Variants in HDAC9 observed in about 807,000 individuals in gnomAD.
HDAC9 encodes MEF-2 interacting transcription repressor (MITR) protein.
HDAC9 carries 41 observed loss-of-function variants against 139.4 expected under a neutral mutation model. That is an observed-to-expected ratio of 0.29 (90% CI 0.23 to 0.38). The LOEUF is 0.38. HDAC9 is among the 10% of genes least tolerant of loss of function. HDAC9 has a pLI of 1.00. For synonymous variants in HDAC9, 517 were observed against 476.2 expected (o/e 1.09, Z -1.12); for missense variants, 1,147 against 1,297.0 (o/e 0.88, Z 1.78).
intron 2 of HDAC9, chr7:18,162,465 A>T: frequency 1.1e-6 from 1 of 948,928 alleles, no homozygotes; most frequent in Non-Finnish European, 1.6e-6. Context: ...TTGGACAAAG[A>T]TTGCTTAATG....
chr7:18,300,122 G>C (rs1798437789), intron 1 of HDAC9, among the ~76,000 whole-genome samples: 1 of 152,082 alleles, frequency 6.6e-6, no homozygotes, highest in South Asian at 2.1e-4. Flanking sequence ...GTGCAGCCCA[G>C]GGTGGCTTTG....
At chr7:18,290,828 T>G (rs934176778) in intron 1 of HDAC9, among the ~76,000 whole-genome samples, 1 of 152,208 alleles carries the variant, frequency 6.6e-6, no homozygotes, top group Non-Finnish European at 1.5e-5. Context: ...TCTGATTTTT[T>G]GAAATTTAGC....
intron 1 of HDAC9, among the ~76,000 whole-genome samples, chr7:18,423,693 C>T (rs1789851156): frequency 6.6e-6 from 1 of 152,198 alleles, no homozygotes; most frequent in African/African-American, 2.4e-5. Context: ...GGCCTCCTAG[C>T]ATTTGTAGTC....
chr7:18,826,648 CT>C (rs547478526), intron 17 of HDAC9, among the ~76,000 whole-genome samples: 14,667 of 121,930 alleles, frequency 0.12, 738 homozygotes, highest in Non-Finnish European at 0.15. Flanking sequence ...GAATTCAAGT[CT>C]TTTTTTTTTT....
chr7:18,799,076 CACACACACACACACACACAG>C (rs1457023010), intron 17 of HDAC9, among the ~76,000 whole-genome samples: 1 of 150,752 alleles, frequency 6.6e-6, no homozygotes, highest in African/African-American at 2.5e-5. Flanking sequence ...CACACACACA[CACACACACACACACACACAG>C]AGCCCCTCGG....
chr7:18,636,296 C>G (rs1181403228), intron 8 of HDAC9, among the ~76,000 whole-genome samples: 2 of 152,062 alleles, frequency 1.3e-5, no homozygotes, highest in African/African-American at 4.8e-5. Context: ...TGCCAGCCCC[C>G]CCTGCCCTGG....
At chr7:18,149,357 T>G (rs1206685813) in intron 1 of HDAC9, among the ~76,000 whole-genome samples, 1 of 145,706 alleles carries the variant, frequency 6.9e-6, no homozygotes, top group Non-Finnish European at 1.5e-5. Flanking sequence ...AATTTTTTCT[T>G]TTTTTTTTTT....
intron 13 of HDAC9, among the ~76,000 whole-genome samples, chr7:18,736,927 G>T (rs1786969801): frequency 6.6e-6 from 1 of 152,022 alleles, no homozygotes; most frequent in Non-Finnish European, 1.5e-5. Flanking sequence ...TTATTGGTCT[G>T]TTCATAGATT....
chr7:18,262,933 TAGAGAAAG>T (rs1236674798), intron 2 of HDAC9, among the ~76,000 whole-genome samples: 6 of 124,976 alleles, frequency 4.8e-5, no homozygotes, highest in Admixed American at 2.7e-4. Context: ...AAGGCAATAA[TAGAGAAAG>T]AGAGGACAAA....
intron 24 of HDAC9, among the ~76,000 whole-genome samples, chr7:18,959,995 C>G (rs568598761): frequency 7.7e-6 from 1 of 130,662 alleles, no homozygotes; most frequent in South Asian, 2.6e-4. Flanking sequence ...TATAGCTAAT[C>G]CTCTGTTGTT....
chr7:18,584,140 CTTTTTT>C (rs3084518), intron 2 of HDAC9, among the ~76,000 whole-genome samples: 2 of 107,754 alleles, frequency 1.9e-5, no homozygotes, highest in Admixed American at 1.2e-4. Context: ...AAGCAGCATT[CTTTTTT>C]TTTTTTTTTT....
chr7:18,275,927 G>A (rs1584961954), intron 2 of HDAC9, among the ~76,000 whole-genome samples: 2 of 152,122 alleles, frequency 1.3e-5, no homozygotes, highest in East Asian at 3.8e-4. Context: ...GTTTGCAAAA[G>A]CCAGGATTTT....
chr7:18,700,353 C>T (rs1783376140), intron 12 of HDAC9, among the ~76,000 whole-genome samples: 5 of 152,180 alleles, frequency 3.3e-5, no homozygotes, highest in Admixed American at 3.3e-4. Context: ...CCCCTCACTG[C>T]CCCCTGTGGC....
intron 1 of HDAC9, among the ~76,000 whole-genome samples, chr7:18,435,172 CAT>C (rs1366788714): frequency 6.6e-6 from 1 of 151,306 alleles, no homozygotes; most frequent in African/African-American, 2.4e-5. Flanking sequence ...CCAAGTACTG[CAT>C]ATTCTTACTT....
chr7:18,199,159 T>C (rs917163710), intron 2 of HDAC9, among the ~76,000 whole-genome samples: 9 of 152,206 alleles, frequency 5.9e-5, no homozygotes, highest in Non-Finnish European at 1.0e-4. Flanking sequence ...TTAAGAGTTT[T>C]CTTGGGGAAT....
At chr7:18,492,096 A>T (rs1341120203), upstream of HDAC9, among the ~76,000 whole-genome samples, 2 of 151,980 alleles carry the variant, frequency 1.3e-5, no homozygotes, top group African/African-American at 4.8e-5. Context: ...CCTGCATACG[A>T]CCAAAAACTA....
chr7:18,187,039 C>A lies in HDAC9; in HGVS notation c.25+24690C>A, dbSNP rs117322266. Among the ~76,000 whole-genome samples the A allele has an allele frequency of 7.9e-5, 12 of 152,292 alleles. No homozygotes were observed. The East Asian group carries it at 2.1e-3, about 27-fold the overall frequency. On this transcript the variant is annotated intron_variant, in intron 2 of 12. Transcript: ENST00000417496. ...AGTGTATTAGTTACTGCCTAATGGG[C>A]AAACCCTATGATCTTTTCTCAGTCT...
At chr7:18,545,180 AT>A (rs1385268678) in intron 2 of HDAC9, among the ~76,000 whole-genome samples, 1 of 152,192 alleles carries the variant, frequency 6.6e-6, no homozygotes, top group East Asian at 1.9e-4. Context: ...GCCGTAGGAC[AT>A]TTTAAAGTGT....
At chr7:18,193,749 TTC>T (rs1159245214) in intron 2 of HDAC9, among the ~76,000 whole-genome samples, 1 of 152,170 alleles carries the variant, frequency 6.6e-6, no homozygotes, top group Non-Finnish European at 1.5e-5. Context: ...GATTTTTTTT[TTC>T]TCTGACTACC....
Sources: gnomAD v4.1 joint callset for allele counts (sites outside exome capture counted in the v4.1 genomes callset) on GRCh38, gnomAD v4.1.1 for gene constraint, MANE v1.5 for transcripts, NCBI Gene and HGNC (gene_info 2026-07-23, HGNC 2026-07-21) for gene names.